Variants in CFAP43 observed in about 807,000 individuals in gnomAD.
CFAP43 encodes cilia and flagella associated protein 43, also known as cilia- and flagella-associated protein 43.
Under a neutral mutation model 218.9 loss-of-function variants are expected in CFAP43, and 155 were observed. The observed-to-expected ratio is 0.71, with a 90% CI of 0.62 to 0.81. The LOEUF (loss-of-function observed/expected upper bound fraction) is 0.81, where lower values mean the gene tolerates loss of function less well. CFAP43 is among the 30% of genes least tolerant of loss of function. The probability of loss-of-function intolerance (pLI) is 0.00; values close to 1 mark genes in which losing one functional copy is unlikely to be tolerated. For synonymous variants in CFAP43, 645 were observed against 681.3 expected (o/e 0.95, Z 0.83); for missense variants, 1,778 against 1,954.3 (o/e 0.91, Z 1.70).
chr10:104,224,768 A>C (rs1036517439), intron 3 of CFAP43, among the ~76,000 whole-genome samples: 1 of 151,804 alleles, frequency 6.6e-6, no homozygotes, highest in Non-Finnish European at 1.5e-5. Flanking sequence ...AAAAAAAAAA[A>C]AAAAAAAAAT....
At chr10:104,139,187 A>G (rs1300220133) in intron 34 of CFAP43, among the ~76,000 whole-genome samples, 1 of 152,240 alleles carries the variant, frequency 6.6e-6, no homozygotes, top group African/African-American at 2.4e-5. Flanking sequence ...TAAAGAGAAC[A>G]AAGAGTGAAA....
chr10:104,166,752 CAAT>C (rs752189958), intron 22 of CFAP43, 34 bp from the exon 23 acceptor site: 22 of 1,537,864 alleles, frequency 1.4e-5, no homozygotes, highest in Non-Finnish European at 1.6e-5. Flanking sequence ...AGAAGTTATG[CAAT>C]AATAAGAATC....
Position 104,148,196 on chromosome 10 carries a change from A to C in CFAP43, c.3661-198T>G, listed in dbSNP as rs1407009513. Among the ~76,000 whole-genome samples the C allele has an allele frequency of 1.7e-4, 26 of 152,198 alleles. 1 individual carries two copies. The highest frequency in any genetic ancestry group is 1.7e-3 in the Admixed American group (26 of 15,266). On this transcript the variant is annotated intron_variant, in intron 28 of 37. Transcript: ENST00000357060. ...TTACCTTTTTCATAATTTCATTGTAAGGTAAATCACATATACAAAAAATAC... is the reference window on the plus strand; with the variant it reads ...TTACCTTTTTCATAATTTCATTGTACGGTAAATCACATATACAAAAAATAC...
chr10:104,164,316 G>A lies in CFAP43; in HGVS notation c.3040-16C>T, dbSNP rs748307275. The A allele has an allele frequency of 3.3e-6, 5 of 1,521,080 alleles. No individual in the cohort carries two copies. In the South Asian group the frequency reaches 3.5e-5, roughly 11 times the overall value. 94.2% of individuals were successfully genotyped at this position (1,521,080 alleles called of 1,614,324 possible). On this transcript the variant is annotated splice_polypyrimidine_tract_variant and intron_variant, in intron 23 of 37. Transcript: ENST00000357060. Reference sequence around the variant, plus strand: ...AAATGATATCCTGAAATATTAACATGTTACTGAAAACACATCACATATTAT... The same window carrying A: ...AAATGATATCCTGAAATATTAACATATTACTGAAAACACATCACATATTAT...
intron 28 of CFAP43, among the ~76,000 whole-genome samples, chr10:104,149,123 G>A (rs1170387259): frequency 6.6e-6 from 1 of 152,072 alleles, no homozygotes; most frequent in Non-Finnish European, 1.5e-5. Flanking sequence ...GTATATTCAT[G>A]GTGTAGTTTA....
At chr10:104,148,626 C>T (rs2088097194) in intron 28 of CFAP43, among the ~76,000 whole-genome samples, 1 of 152,102 alleles carries the variant, frequency 6.6e-6, no homozygotes, top group Non-Finnish European at 1.5e-5. Flanking sequence ...ATGGCACTCC[C>T]CTGCACCCTC....
At chr10:104,194,135 G>A (rs2090316967) in intron 10 of CFAP43, 121 bp from the exon 11 acceptor site, 2 of 1,185,740 alleles carry the variant, frequency 1.7e-6, no homozygotes, top group East Asian at 2.4e-5. Flanking sequence ...GTGTTGTGTG[G>A]TGGGGTCTTT....
chr10:104,225,955 C>T (rs538870746), intron 2 of CFAP43, among the ~76,000 whole-genome samples: 2 of 152,356 alleles, frequency 1.3e-5, no homozygotes, highest in South Asian at 4.1e-4. Flanking sequence ...TAGCTTACTT[C>T]CTTATTTCTA....
At chr10:104,221,147 G>T (rs953002952) in intron 3 of CFAP43, among the ~76,000 whole-genome samples, 1 of 152,128 alleles carries the variant, frequency 6.6e-6, no homozygotes, top group Non-Finnish European at 1.5e-5. Context: ...GCTAATTTTT[G>T]TATTTTTAGT....
At position 104,164,418 on chromosome 10, in the gene CFAP43, G is replaced by A. The variant is rs554613635; in HGVS notation, c.3040-118C>T. ...CCACAAATTTTTTTTTTTTTTTTGA[G>A]ATGCAGTCTCGCTTTGTTGTCCAGG... On this transcript the variant is annotated intron_variant, in intron 23 of 37. Coordinates refer to ENST00000357060, the MANE Select transcript of CFAP43 (RefSeq NM_025145.7). The A allele has an allele frequency of 5.6e-6, 4 of 716,484 alleles. No homozygotes were observed. The South Asian group carries it at 7.8e-5, about 14-fold the overall frequency. 44.4% of individuals were successfully genotyped at this position (716,484 alleles called of 1,614,324 possible).
At chr10:104,201,762 C>T (rs2090541705) in intron 8 of CFAP43, among the ~76,000 whole-genome samples, 1 of 151,758 alleles carries the variant, frequency 6.6e-6, no homozygotes. Flanking sequence ...ATTACTACTG[C>T]TCTTTATTTT....
chr10:104,136,570 A>G (rs2087461510), intron 34 of CFAP43, among the ~76,000 whole-genome samples: 1 of 151,718 alleles, frequency 6.6e-6, no homozygotes, highest in African/African-American at 2.4e-5. Context: ...GGGGTTTCAC[A>G]TCTTGGCCAG....
Position 104,196,926 on chromosome 10 carries a change from G to T in CFAP43, c.1220C>A (p.Thr407Lys). 2 of 1,608,262 alleles carry T rather than the reference G, an allele frequency of 1.2e-6. No homozygotes were observed. Among genetic ancestry groups the T allele is most frequent in the Non-Finnish European group, 1.7e-6 (2 of 1,178,274 alleles). Residue 407 changes from threonine (T) to lysine (K), a missense_variant, in exon 10 of 38, where the codon ACA becomes AAA. Thr to Lys is a moderately conservative substitution (Grantham distance 78). This residue lies in a region of CFAP43 where 1,553 missense variants were observed against 1,685.2 expected (regional missense o/e 0.92). Coordinates refer to ENST00000357060, the MANE Select transcript of CFAP43 (RefSeq NM_025145.7). ...TPGTQYFMTLTYSGEICVWWL... is the reference protein window; with the variant it reads ...TPGTQYFMTLKYSGEICVWWL... ...CCAAACACAAATTTCCCCTGAATATGTAAGTGTCTGTAAAAAAAGAAAAAC... is the reference window on the plus strand; with the variant it reads ...CCAAACACAAATTTCCCCTGAATATTTAAGTGTCTGTAAAAAAAGAAAAAC...
intron 34 of CFAP43, among the ~76,000 whole-genome samples, chr10:104,134,975 C>T (rs1349045875): frequency 2.0e-5 from 3 of 151,982 alleles, no homozygotes; most frequent in South Asian, 2.1e-4. Context: ...AAGACAAAAA[C>T]GTTCAATAAA....
chr10:104,132,456 TAC>T (rs1422637423), intron 35 of CFAP43: 1 of 225,778 alleles, frequency 4.4e-6, no homozygotes, highest in Non-Finnish European at 7.4e-6. Flanking sequence ...TACTAAAAAA[TAC>T]AAAAAATTAG....
rs78335784 is a variant in CFAP43 at position 104,173,312 on chromosome 10, C to T, written c.2461-777G>A. 1.9e-3 allele frequency among the ~76,000 whole-genome samples: 282 copies of T among 152,264 alleles called. 7 individuals are homozygous for T. The East Asian group carries it at 0.051, about 28-fold the overall frequency. Reference sequence around the variant, plus strand: ...AGAGGAAAAAAGGAATAGAATCCTTCAGGAGCATGAAAACTATAACAACTG... The same window carrying T: ...AGAGGAAAAAAGGAATAGAATCCTTTAGGAGCATGAAAACTATAACAACTG... On this transcript the variant is annotated intron_variant, in intron 19 of 37. Transcript: ENST00000357060.
chr10:104,196,832 C>A, intron 10 of CFAP43, 21 bp downstream of exon 10: 1 of 1,559,698 alleles, frequency 6.4e-7, no homozygotes, highest in Non-Finnish European at 8.7e-7. Flanking sequence ...TTTTTAAAAT[C>A]CATTTATCAA....
At chr10:104,146,990 C>G (rs2088007908) in intron 29 of CFAP43, among the ~76,000 whole-genome samples, 2 of 152,094 alleles carry the variant, frequency 1.3e-5, no homozygotes, top group South Asian at 4.1e-4. Context: ...CACTATAAAG[C>G]TTTCCTACTC....
intron 8 of CFAP43, 96 bp downstream of exon 8, chr10:104,203,576 C>A (rs532519525): frequency 8.4e-7 from 1 of 1,185,674 alleles, no homozygotes; most frequent in South Asian, 2.0e-5. Flanking sequence ...AGTAGAGTAC[C>A]ACTGTGCAGC....
Sources: allele counts gnomAD v4.1 joint callset (sites outside exome capture counted in the v4.1 genomes callset), GRCh38; gene constraint gnomAD v4.1.1; regional missense constraint gnomAD v4.1.1; transcripts MANE v1.5; gene names NCBI Gene and HGNC (gene_info 2026-07-23, HGNC 2026-07-21).